Variants in TMPO observed in about 807,000 individuals in gnomAD.
TMPO encodes the protein thymopoietin.
Under a neutral mutation model 45.4 loss-of-function variants are expected in TMPO, and 22 were observed. That is an observed-to-expected ratio of 0.48 (90% confidence interval 0.35 to 0.69). The LOEUF (loss-of-function observed/expected upper bound fraction) is 0.69. Ranked by LOEUF, TMPO falls within the 30% of genes least tolerant of loss-of-function variation. The probability of loss-of-function intolerance (pLI) is 0.01; values close to 1 mark genes in which losing one functional copy is unlikely to be tolerated. For synonymous variants in TMPO, 241 were observed against 204.1 expected (o/e 1.18, Z -1.54); for missense variants, 512 against 548.8 (o/e 0.93, Z 0.67).
At chr12:98,538,854 T>A (rs1365673429) in intron 4 of TMPO, among the ~76,000 whole-genome samples, 1 of 152,212 alleles carries the variant, frequency 6.6e-6, no homozygotes, top group African/African-American at 2.4e-5. Flanking sequence ...ATACATGTTT[T>A]ATTGCCCTTT....
At position 98,544,271 on chromosome 12, in the gene TMPO, T is replaced by G; in HGVS notation, c.705T>G (p.Ser235Arg). The change falls in exon 5 of 9, where the codon AGT (serine) becomes AGG (arginine). Residue 235 changes from serine to arginine, a missense_variant. Physicochemically the swap from Ser to Arg is moderately radical, Grantham distance 110. This residue lies in a region of TMPO where 299 missense variants were observed against 296.7 expected (regional missense o/e 1.01). Coordinates refer to ENST00000556029, the MANE Select transcript of TMPO (RefSeq NM_001032283.3). ...GAATAACTGAGACTGAATGGACAAG[T>G]GGATCTTCAAAAGGCGGACCTCTGC... ...QAGITETEWT[S>R]GSSKGGPLQA... 1 of 1,613,976 alleles carries G rather than the reference T, an allele frequency of 6.2e-7. No individual in the cohort carries two copies. Among genetic ancestry groups the G allele is most frequent in the Non-Finnish European group, 8.5e-7 (1 of 1,179,900 alleles).
rs200177466 is a variant in TMPO, at chr12:98,516,132, G to A, written c.265G>A (p.Ala89Thr). 2.1e-6 allele frequency: 3 copies of A among 1,460,656 alleles called. No individual in the cohort carries two copies. The South Asian group carries it at 4.2e-5, about 20-fold the overall frequency. 90.5% of individuals were successfully genotyped at this position (1,460,656 alleles called of 1,614,324 possible). ...SGAAAAGRSRAAVGRKATKKT... is the reference protein window; with the variant it reads ...SGAAAAGRSRTAVGRKATKKT... Reference sequence around the variant, plus strand: ...GGCCGCCGCCGCGGGCCGGAGCCGAGCAGCCGTCGGCAGGGTAAGGACGCG... The same window carrying A: ...GGCCGCCGCCGCGGGCCGGAGCCGAACAGCCGTCGGCAGGGTAAGGACGCG... The change falls in exon 1 of 9, where the codon GCA becomes ACA. Residue 89 changes from alanine to threonine, a missense_variant. By Grantham distance (58) the Ala-to-Thr change is moderately conservative (BLOSUM62 0). Coordinates refer to ENST00000556029, the MANE Select transcript of TMPO (RefSeq NM_001032283.3).
chr12:98,547,078 C>CTT (rs10632560), intron 8 of TMPO, among the ~76,000 whole-genome samples: 29,728 of 141,564 alleles, frequency 0.21, 4,024 homozygotes, highest in African/African-American at 0.36. Flanking sequence ...ATGCATCGAA[C>CTT]TTTTTTTTTT....
intron 1 of TMPO, among the ~76,000 whole-genome samples, chr12:98,519,749 A>G (rs991374285): frequency 6.6e-6 from 1 of 152,230 alleles, no homozygotes; most frequent in Non-Finnish European, 1.5e-5. Flanking sequence ...GTTAAGTACA[A>G]GTGAGTTATA....
chr12:98,528,567 G>A lies in TMPO; in HGVS notation c.406+555G>A, dbSNP rs549275824. 2.1e-4 allele frequency among the ~76,000 whole-genome samples: 31 copies of A among 150,730 alleles called. 1 individual carries two copies. The highest frequency in any genetic ancestry group is 6.8e-4 in the African/African-American group (28 of 41,190). ...GCTGGGATTACAGGTGTGAGCCACCGTGCCTGGCCACTTATATCGTACTTC... is the reference window on the plus strand; with the variant it reads ...GCTGGGATTACAGGTGTGAGCCACCATGCCTGGCCACTTATATCGTACTTC... On this transcript the variant is annotated intron_variant, in intron 2 of 8. Coordinates refer to ENST00000556029, the MANE Select transcript of TMPO (RefSeq NM_001032283.3).
chr12:98,545,155 G>A, intron 7 of TMPO, 94 bp downstream of exon 7: 1 of 829,522 alleles, frequency 1.2e-6, no homozygotes, highest in East Asian at 2.6e-5. Flanking sequence ...TTTGGAGTGG[G>A]AGGGAGCAGA....
chr12:98,535,646 C>G (rs61934005), intron 3 of TMPO: 115 of 985,186 alleles, frequency 1.2e-4, no homozygotes, highest in Non-Finnish European at 1.3e-4. Context: ...TGTGTGGTCT[C>G]CAGAAACATG....
chr12:98,530,690 T>A (rs1335693404), intron 2 of TMPO, among the ~76,000 whole-genome samples: 1 of 152,256 alleles, frequency 6.6e-6, no homozygotes, highest in Non-Finnish European at 1.5e-5. Flanking sequence ...ATAGAACTTT[T>A]CTTTTCCCCA....
chr12:98,516,007 C>CT lies in TMPO; in HGVS notation c.141dup (p.Arg48SerfsTer21). 1 of 1,610,848 alleles carries CT rather than the reference C, an allele frequency of 6.2e-7. No individual in the cohort carries two copies. The highest frequency in any genetic ancestry group is 8.5e-7 in the Non-Finnish European group (1 of 1,179,428). On this transcript the variant is annotated frameshift_variant, in exon 1 of 9. Transcript: ENST00000556029. LOFTEE classifies it high-confidence loss of function. Reference sequence around the variant, plus strand: ...CAGCTCTACCTGCAGCACCTCACGGCTCGCAACCGGCCGCCGCTCCCCGCC... The same window carrying CT: ...CAGCTCTACCTGCAGCACCTCACGGCTTCGCAACCGGCCGCCGCTCCCCGCC...
At chr12:98,524,645 G>T (rs1876627839) in intron 1 of TMPO, among the ~76,000 whole-genome samples, 1 of 152,024 alleles carries the variant, frequency 6.6e-6, no homozygotes, top group Admixed American at 6.6e-5. Context: ...CCAGGCTGGA[G>T]GGCAGTGGCA....
In TMPO at chr12:98,546,458, A is replaced by C; in HGVS notation, c.1079+11A>C. ...ACCAACAGGAATTAGGTATTCAGAT[A>C]CATTTAAACAAGTACTAGTGTATTC... On this transcript the variant is annotated intron_variant, in intron 8 of 8. Coordinates refer to ENST00000556029, the MANE Select transcript of TMPO (RefSeq NM_001032283.3). 1 of 1,528,486 alleles carries C rather than the reference A, an allele frequency of 6.5e-7. No individual in the cohort carries two copies. The highest frequency in any genetic ancestry group is 9.1e-7 in the Non-Finnish European group (1 of 1,102,058). 94.7% of individuals were successfully genotyped at this position (1,528,486 alleles called of 1,614,324 possible).
Position 98,537,488 on chromosome 12 carries a change from G to A in TMPO, c.579G>A (p.Glu193=). Residue 193 remains glutamate, a synonymous_variant, in exon 4 of 9, where the codon GAG becomes GAA. Coordinates refer to ENST00000556029, the MANE Select transcript of TMPO (RefSeq NM_001032283.3). ...YSDNEEDSKI[E]LKLEKREPLK... ...TGTTATTTCCAGACTCTAAAATAGA[G>A]CTCAAGCTTGAGAAGAGAGAACCAC... 2 of 1,612,962 alleles carry A rather than the reference G, an allele frequency of 1.2e-6. No homozygotes were observed. The highest frequency in any genetic ancestry group is 1.1e-5 in the South Asian group (1 of 90,982).
intron 2 of TMPO, among the ~76,000 whole-genome samples, chr12:98,530,336 CAA>C (rs760001497): frequency 9.9e-5 from 12 of 121,426 alleles, no homozygotes; most frequent in Non-Finnish European, 8.8e-5. Context: ...GACCTTGTCT[CAA>C]AAAAAAAAAA....
Position 98,516,571 on chromosome 12 carries a change from C to G in TMPO, c.279+425C>G, listed in dbSNP as rs543798840. 4,190 of 1,004,018 alleles carry G rather than the reference C, an allele frequency of 4.2e-3. 13 individuals carry two copies. Among genetic ancestry groups the G allele is most frequent in the Non-Finnish European group, 4.6e-3 (3,847 of 842,682 alleles). The allele number at this position is 1,004,018 out of a possible 1,614,324, so 62.2% of individuals were successfully genotyped here. A position where few individuals can be genotyped will look rare whatever the true frequency, so the allele number is the denominator to read the frequency against. ...TAACTGAAATGACTCGCAGCAGAGT[C>G]TCAGAGCGCTCCCTGGAGGGCAACT... On this transcript the variant is annotated intron_variant, in intron 1 of 8. Transcript: ENST00000556029.
chr12:98,544,567 G>T (rs1340699521), intron 6 of TMPO, 30 bp downstream of exon 6: 1 of 1,555,804 alleles, frequency 6.4e-7, no homozygotes, highest in South Asian at 1.1e-5. Context: ...TATACAAGTG[G>T]TATTCTTTGT....
intron 3 of TMPO, among the ~76,000 whole-genome samples, chr12:98,537,181 T>C (rs2121223653): frequency 6.6e-6 from 1 of 152,344 alleles, no homozygotes; most frequent in Middle Eastern, 3.4e-3. Context: ...TGGGAGCATT[T>C]TGAACTCACT....
intron 3 of TMPO, chr12:98,535,677 T>G (rs763997279): frequency 3.0e-5 from 30 of 985,404 alleles, no homozygotes; most frequent in Non-Finnish European, 3.1e-5. Flanking sequence ...TGCTTTATTC[T>G]TGGAGTTGCA....
intron 1 of TMPO, among the ~76,000 whole-genome samples, chr12:98,525,257 TG>T (rs1876678737): frequency 6.6e-6 from 1 of 152,072 alleles, no homozygotes; most frequent in South Asian, 2.1e-4. Flanking sequence ...GTGCAATGTA[TG>T]TGAATTAAAG....
intron 4 of TMPO, among the ~76,000 whole-genome samples, chr12:98,539,209 A>G (rs1384432393): frequency 3.3e-5 from 5 of 151,742 alleles, no homozygotes; most frequent in Non-Finnish European, 7.4e-5. Context: ...TCAAAAATAA[A>G]TAAATAAATA....
Sources: allele counts gnomAD v4.1 joint callset (sites outside exome capture counted in the v4.1 genomes callset), GRCh38; gene constraint gnomAD v4.1.1; regional missense constraint gnomAD v4.1.1; transcripts MANE v1.5; gene names NCBI Gene and HGNC (gene_info 2026-07-23, HGNC 2026-07-21).